The following GPN2 variants were observed in gnomAD, a reference collection of about 807,000 sequenced individuals.
GPN2 encodes GPN-loop GTPase 2.
GPN2 carries 27 observed loss-of-function variants against 30.1 expected under a neutral mutation model. That is an observed-to-expected ratio of 0.90 (90% CI 0.66 to 1.24). GPN2 has a LOEUF of 1.24. GPN2 is among the 50% of genes most tolerant of loss of function. The pLI is 0.00. For synonymous variants in GPN2, 212 were observed against 174.4 expected (o/e 1.22, Z -1.70); for missense variants, 406 against 405.4 (o/e 1.00, Z -0.01).
Position 26,886,030 on chromosome 1 carries a change from C to T in GPN2, c.672G>A (p.Lys224=). The part of the protein sequence containing the change: ...FFRHYRQLNE[K]LVQLIEDYSL... ...TATAGTCTTCGATGAGCTGCACTAG[C>T]TTCTCATTGAGCTGGCGGTAGTGGC... Residue 224 remains lysine (K), a synonymous_variant, in exon 3 of 5, where the codon AAG becomes AAA. Coordinates refer to ENST00000374135, the MANE Select transcript of GPN2 (RefSeq NM_018066.4). The T allele has an allele frequency of 6.2e-7, 1 of 1,613,642 alleles. No individual in the cohort carries two copies. The highest frequency in any genetic ancestry group is 8.5e-7 in the Non-Finnish European group (1 of 1,179,630).
chr1:26,885,236 G>C (rs2081884618), intron 3 of GPN2, among the ~76,000 whole-genome samples: 1 of 152,168 alleles, frequency 6.6e-6, no homozygotes, highest in Non-Finnish European at 1.5e-5. Flanking sequence ...ACCCACTGCA[G>C]AAAGGAATCT....
Position 26,885,969 on chromosome 1 carries a change from G to T in GPN2, c.729+4C>A, listed in dbSNP as rs1470269141. Reference sequence around the variant, plus strand: ...GTCAAGAGTCCCGTCTTAGCCCCTAGTACCTGGATGTTGAGAGGGATAAAG... The same window carrying T: ...GTCAAGAGTCCCGTCTTAGCCCCTATTACCTGGATGTTGAGAGGGATAAAG... On this transcript the variant is annotated splice_donor_region_variant and intron_variant, in intron 3 of 4. Coordinates refer to ENST00000374135, the MANE Select transcript of GPN2 (RefSeq NM_018066.4). 1 of 1,606,338 alleles carries T rather than the reference G, an allele frequency of 6.2e-7. No individual in the cohort carries two copies. Among genetic ancestry groups the T allele is most frequent in the Non-Finnish European group, 8.5e-7 (1 of 1,173,186 alleles).
chr1:26,886,614 C>A (rs1012966749), intron 2 of GPN2: 1 of 365,982 alleles, frequency 2.7e-6, no homozygotes. Flanking sequence ...GTCAGGAGAT[C>A]GAGACCATCC....
In GPN2 at chr1:26,877,501, C is replaced by T. The variant is rs1365406398; in HGVS notation, c.*2176G>A. 6.6e-6 allele frequency: 1 copy of T among 152,204 alleles called. No homozygotes were observed. Among genetic ancestry groups the T allele is most frequent in the Non-Finnish European group, 1.5e-5 (1 of 68,038 alleles). 9.4% of individuals were successfully genotyped at this position (152,204 alleles called of 1,614,324 possible). On this transcript the variant is annotated 3_prime_UTR_variant, in exon 5 of 5. Transcript: ENST00000374135. Reference sequence around the variant, plus strand: ...TTCTTTCTCCTGATTGGCTGCAAAACCTGTGGGACAAGGGCTGTGACTTCT... The same window carrying T: ...TTCTTTCTCCTGATTGGCTGCAAAATCTGTGGGACAAGGGCTGTGACTTCT...
intron 1 of GPN2, 63 bp from the exon 2 acceptor site, chr1:26,889,188 G>C (rs2081907035): frequency 6.9e-6 from 9 of 1,296,658 alleles, no homozygotes; most frequent in Non-Finnish European, 1.0e-5. Context: ...TCCCTCATGA[G>C]AATGAGGGCT....
chr1:26,879,742 C>G lies in GPN2; in HGVS notation c.868G>C (p.Gly290Arg). The G allele has an allele frequency of 6.2e-7, 1 of 1,613,342 alleles. No individual in the cohort carries two copies. Among genetic ancestry groups the G allele is most frequent in the Non-Finnish European group, 8.5e-7 (1 of 1,179,524 alleles). Reference sequence around the variant, plus strand: ...GGTGCCAGGTACTTCTCCTGGATGCCCAGTGTGCTGAGGAAGGGTGCGTCA... The same window carrying G: ...GGTGCCAGGTACTTCTCCTGGATGCGCAGTGTGCTGAGGAAGGGTGCGTCA... ...GADFHFSSTL[G>R]IQEKYLAPSN... The change falls in exon 5 of 5, where the codon GGC becomes CGC. Residue 290 changes from glycine to arginine, a missense_variant. By Grantham distance (125) the Gly-to-Arg change is moderately radical. Coordinates refer to ENST00000374135, the MANE Select transcript of GPN2 (RefSeq NM_018066.4).
At chr1:26,879,866 T>C (rs538073168) in intron 4 of GPN2, 117 bp from the exon 5 acceptor site, 2 of 713,058 alleles carry the variant, frequency 2.8e-6, no homozygotes, top group African/African-American at 3.5e-5. Flanking sequence ...CTCTTCCTCA[T>C]AATTATAGGG....
chr1:26,879,790 A>G (rs761269373), intron 4 of GPN2, 41 bp from the exon 5 acceptor site: 7 of 1,426,270 alleles, frequency 4.9e-6, no homozygotes, highest in African/African-American at 1.4e-5. Flanking sequence ...TAGGCAGAGG[A>G]TGGGGAGCTG....
At chr1:26,886,890 G>A (rs539601867) in intron 2 of GPN2, among the ~76,000 whole-genome samples, 1 of 151,794 alleles carries the variant, frequency 6.6e-6, no homozygotes, top group South Asian at 2.1e-4. Context: ...CTACACGGGA[G>A]GCTGAGGCAG....
intron 4 of GPN2, among the ~76,000 whole-genome samples, chr1:26,881,867 A>G (rs559625064): frequency 9.1e-4 from 138 of 151,808 alleles, no homozygotes; most frequent in African/African-American, 3.3e-3. Flanking sequence ...CTATGATTGC[A>G]TCACTGCACT....
intron 2 of GPN2, among the ~76,000 whole-genome samples, chr1:26,888,140 G>A (rs985568799): frequency 5.3e-5 from 8 of 152,066 alleles, no homozygotes; most frequent in African/African-American, 1.2e-4. Flanking sequence ...GATTACAGGC[G>A]TGAGCCACCA....
At chr1:26,888,230 G>T (rs1390053842) in intron 2 of GPN2, among the ~76,000 whole-genome samples, 1 of 151,982 alleles carries the variant, frequency 6.6e-6, no homozygotes, top group Non-Finnish European at 1.5e-5. Context: ...CCTCATACCA[G>T]CCTGCTTCTA....
At position 26,889,961 on chromosome 1, in the gene GPN2, C is replaced by G; in HGVS notation, c.136G>C (p.Asp46His). ...LGRRVAVVNL[D>H]PANEGLPYEC... Reference sequence around the variant, plus strand: ...TACGGCAGCCCCTCGTTGGCCGGGTCCAGGTTCACCACCGCCACGCGCCGG... The same window carrying G: ...TACGGCAGCCCCTCGTTGGCCGGGTGCAGGTTCACCACCGCCACGCGCCGG... Residue 46 changes from aspartate (D) to histidine (H), a missense_variant, in exon 1 of 5, where the codon GAC becomes CAC. Physicochemically the swap from Asp to His is moderately conservative, Grantham distance 81. Coordinates refer to ENST00000374135, the MANE Select transcript of GPN2 (RefSeq NM_018066.4). 6.2e-7 allele frequency: 1 copy of G among 1,605,830 alleles called. No homozygotes were observed. Among genetic ancestry groups the G allele is most frequent in the East Asian group, 2.2e-5 (1 of 44,852 alleles).
At chr1:26,881,107 A>G (rs1363700087) in intron 4 of GPN2, among the ~76,000 whole-genome samples, 1 of 152,232 alleles carries the variant, frequency 6.6e-6, no homozygotes, top group Non-Finnish European at 1.5e-5. Flanking sequence ...AATGCAGCAT[A>G]CATGGTTTTG....
intron 4 of GPN2, among the ~76,000 whole-genome samples, chr1:26,882,222 A>G (rs972367268): frequency 6.6e-6 from 1 of 151,656 alleles, no homozygotes; most frequent in African/African-American, 2.4e-5. Flanking sequence ...CGTCTCAAAA[A>G]AAAAAAAAAA....
At position 26,879,613 on chromosome 1, in the gene GPN2, T is replaced by C. The variant is rs1000482618; in HGVS notation, c.*64A>G. ...CTTGCTCTTGGGTCTGCAGCCTGCA[T>C]CAGGAGCCTCCACTTTCCCCAGTGC... On this transcript the variant is annotated 3_prime_UTR_variant, in exon 5 of 5. Coordinates refer to ENST00000374135, the MANE Select transcript of GPN2 (RefSeq NM_018066.4). 6.5e-6 allele frequency: 8 copies of C among 1,240,266 alleles called. No individual in the cohort carries two copies. In the African/African-American group the frequency reaches 1.2e-4, roughly 18 times the overall value. The allele number at this position is 1,240,266 out of a possible 1,614,324, so 76.8% of individuals were successfully genotyped here. A position where few individuals can be genotyped will look rare whatever the true frequency, so the allele number is the denominator to read the frequency against.
intron 2 of GPN2, chr1:26,886,412 C>T (rs2081891388): frequency 2.0e-6 from 1 of 502,020 alleles, no homozygotes; most frequent in Non-Finnish European, 3.9e-6. Flanking sequence ...TAACTGCAAA[C>T]AGGCTGGGCA....
chr1:26,890,049 G>A lies in GPN2; in HGVS notation c.48C>T (p.Gly16=). 6.3e-7 allele frequency: 1 copy of A among 1,582,046 alleles called. No homozygotes were observed. Among genetic ancestry groups the A allele is most frequent in the Non-Finnish European group, 8.5e-7 (1 of 1,169,610 alleles). Residue 16 remains glycine (G), a synonymous_variant, in exon 1 of 5, where the codon GGC becomes GGT. Transcript: ENST00000374135. ...ACGTGGTCTTCCCTGAGCCCGGCGGGCCGATCACCGCCTGCCCGAAGGCCG... is the reference window on the plus strand; with the variant it reads ...ACGTGGTCTTCCCTGAGCCCGGCGGACCGATCACCGCCTGCCCGAAGGCCG... ...PTTAFGQAVI[G]PPGSGKTTYC...
At chr1:26,884,674 T>C (rs1557655871) in intron 3 of GPN2, among the ~76,000 whole-genome samples, 2 of 152,276 alleles carry the variant, frequency 1.3e-5, no homozygotes, top group Non-Finnish European at 2.9e-5. Context: ...ATCCAATGAA[T>C]ATGCATGTTT....
Sources: allele counts gnomAD v4.1 joint callset (sites outside exome capture counted in the v4.1 genomes callset), GRCh38; gene constraint gnomAD v4.1.1; transcripts MANE v1.5; gene names NCBI Gene and HGNC (gene_info 2026-07-23, HGNC 2026-07-21).